PLAAT4: variants seen among roughly 807,000 people sequenced by gnomAD.
PLAAT4 encodes the protein phospholipase A and acyltransferase 4.
A neutral mutation model predicts 14.1 loss-of-function variants in PLAAT4; 12 were observed. That is an observed-to-expected ratio of 0.85 (90% CI 0.54 to 1.37). The LOEUF (loss-of-function observed/expected upper bound fraction) is 1.37. PLAAT4 is among the 40% of genes most tolerant of loss of function. PLAAT4 has a pLI of 0.00. For synonymous variants in PLAAT4, 77 were observed against 79.8 expected (o/e 0.96, Z 0.19); for missense variants, 163 against 211.7 (o/e 0.77, Z 1.43).
intron 2 of PLAAT4, among the ~76,000 whole-genome samples, chr11:63,542,295 T>C (rs2017327576): frequency 6.6e-6 from 1 of 152,196 alleles, no homozygotes; most frequent in Non-Finnish European, 1.5e-5. Flanking sequence ...CTAATATATT[T>C]ATATAGTTAT....
chr11:63,544,593 C>T lies in PLAAT4; in HGVS notation c.119-28C>T, dbSNP rs374381606. On this transcript the variant is annotated intron_variant, in intron 2 of 3. Coordinates refer to ENST00000255688, the MANE Select transcript of PLAAT4 (RefSeq NM_004585.5). ...CCTTCTCTCCCTACTTCACCTTCCC[C>T]TGCCAGTGAGAGTGCCTCTGATTGC... The T allele has an allele frequency of 3.1e-4, 490 of 1,598,024 alleles. 6 individuals carry two copies. In the South Asian group the frequency reaches 4.3e-3, roughly 14 times the overall value.
chr11:63,542,215 G>T (rs1590664009), intron 2 of PLAAT4, among the ~76,000 whole-genome samples: 1 of 152,106 alleles, frequency 6.6e-6, no homozygotes, highest in African/African-American at 2.4e-5. Context: ...ATTATTTAGT[G>T]ACCTGTTTAT....
At chr11:63,545,156 GA>G in intron 3 of PLAAT4, 1 of 597,672 alleles carries the variant, frequency 1.7e-6, no homozygotes, top group Non-Finnish European at 3.0e-6. Context: ...AACCTATCCT[GA>G]AAATGGCTCC....
At chr11:63,537,869 G>A (rs1177588888) in intron 1 of PLAAT4, among the ~76,000 whole-genome samples, 1 of 152,156 alleles carries the variant, frequency 6.6e-6, no homozygotes, top group Non-Finnish European at 1.5e-5. Context: ...GAGCACACAG[G>A]ATCCTGCCTG....
At chr11:63,546,035 G>A (rs1399328314) in intron 3 of PLAAT4, 114 bp from the exon 4 acceptor site, 1 of 838,754 alleles carries the variant, frequency 1.2e-6, no homozygotes, top group Non-Finnish European at 2.0e-6. Context: ...GAGATGCCAG[G>A]CCTTAGGGGA....
chr11:63,536,912 C>T (rs772229596), intron 1 of PLAAT4, 35 bp downstream of exon 1: 3 of 1,605,176 alleles, frequency 1.9e-6, no homozygotes, highest in South Asian at 2.2e-5. Context: ...ACTGACTCTA[C>T]AGCAGTTGGG....
intron 2 of PLAAT4, among the ~76,000 whole-genome samples, chr11:63,541,726 C>G (rs183120003): frequency 1.3e-5 from 2 of 151,976 alleles, no homozygotes; most frequent in African/African-American, 4.8e-5. Context: ...AACTGTTTCC[C>G]TCCAATTTCC....
intron 1 of PLAAT4, among the ~76,000 whole-genome samples, chr11:63,537,820 CCAGGCCCTT>C (rs1462414685): frequency 6.6e-6 from 1 of 152,204 alleles, no homozygotes; most frequent in Non-Finnish European, 1.5e-5. Context: ...CCATTCTACG[CCAGGCCCTT>C]CACTGGGTCC....
chr11:63,540,144 G>C (rs73490147), intron 2 of PLAAT4, among the ~76,000 whole-genome samples: 67 of 152,196 alleles, frequency 4.4e-4, no homozygotes, highest in Non-Finnish European at 8.5e-4. Flanking sequence ...GTTGCCTCCC[G>C]CAGCGAAGCT....
intron 2 of PLAAT4, among the ~76,000 whole-genome samples, chr11:63,540,329 G>A (rs547741191): frequency 6.6e-6 from 1 of 152,346 alleles, no homozygotes; most frequent in South Asian, 2.1e-4. Context: ...ACAACAAGGT[G>A]TCTTGATATT....
chr11:63,545,172 G>T, intron 3 of PLAAT4: 1 of 592,506 alleles, frequency 1.7e-6, no homozygotes, highest in Non-Finnish European at 3.0e-6. Flanking sequence ...GGCTCCTGAA[G>T]TTCTGGGGGT....
intron 2 of PLAAT4, among the ~76,000 whole-genome samples, chr11:63,540,458 G>C (rs989912908): frequency 4.6e-5 from 7 of 152,094 alleles, no homozygotes; most frequent in African/African-American, 1.7e-4. Context: ...AATAACAGAA[G>C]CAGAAATATG....
intron 1 of PLAAT4, among the ~76,000 whole-genome samples, 165 bp from the exon 2 acceptor site, chr11:63,539,351 A>C (rs982785206): frequency 1.3e-5 from 2 of 152,036 alleles, no homozygotes; most frequent in Admixed American, 1.3e-4. Context: ...CAGTGCCCCC[A>C]CTGAGAAGAG....
intron 1 of PLAAT4, among the ~76,000 whole-genome samples, chr11:63,538,617 A>C (rs7118013): frequency 0.019 from 2,839 of 152,030 alleles, 90 homozygotes; most frequent in African/African-American, 0.066. Flanking sequence ...AAATGGAAAA[A>C]TCCTCCAGTC....
At chr11:63,537,912 G>A (rs892137299) in intron 1 of PLAAT4, among the ~76,000 whole-genome samples, 1 of 152,204 alleles carries the variant, frequency 6.6e-6, no homozygotes, top group African/African-American at 2.4e-5. Context: ...GGCACAGGGA[G>A]GCACAGGGAA....
chr11:63,540,131 ACCGT>A (rs2017309926), intron 2 of PLAAT4, among the ~76,000 whole-genome samples: 1 of 152,338 alleles, frequency 6.6e-6, no homozygotes, highest in African/African-American at 2.4e-5. Flanking sequence ...GGAAGAAGAG[ACCGT>A]TGCCTCCCGC....
chr11:63,541,962 G>A (rs924245869), intron 2 of PLAAT4, among the ~76,000 whole-genome samples: 6 of 152,176 alleles, frequency 3.9e-5, no homozygotes, highest in Admixed American at 3.9e-4. Context: ...CGATCTAGGT[G>A]AACCCAAAAG....
chr11:63,544,972 G>GATGCA, intron 3 of PLAAT4, 83 bp downstream of exon 3: 1 of 1,587,662 alleles, frequency 6.3e-7, no homozygotes, highest in Non-Finnish European at 8.6e-7. Context: ...CACTGTGAAT[G>GATGCA]ATGCAAATGC....
chr11:63,538,252 T>C, intron 1 of PLAAT4: 1 of 273,596 alleles, frequency 3.7e-6, no homozygotes. Flanking sequence ...CCACAGGGTG[T>C]GTCCTGGGCC....
Sources: allele counts gnomAD v4.1 joint callset (sites outside exome capture counted in the v4.1 genomes callset), GRCh38; gene constraint gnomAD v4.1.1; transcripts MANE v1.5; gene names NCBI Gene and HGNC (gene_info 2026-07-23, HGNC 2026-07-21).